Variants in NRF1 observed in about 807,000 individuals in gnomAD.
The protein encoded by NRF1 is alpha palindromic-binding protein.
Under a neutral mutation model 58.5 loss-of-function variants are expected in NRF1, and 5 were observed. The observed-to-expected ratio is 0.09, with a 90% CI of 0.04 to 0.18. The LOEUF (loss-of-function observed/expected upper bound fraction) is 0.18, where lower values mean the gene tolerates loss of function less well. Ranked by LOEUF, NRF1 falls within the 10% of genes least tolerant of loss-of-function variation. The pLI, the probability that NRF1 is intolerant of heterozygous loss-of-function variation, is 1.00. For missense variants in NRF1, 288 were observed against 657.7 expected, an observed-to-expected ratio of 0.44 and a Z score of 6.15; for synonymous variants, 224 against 246.7, an observed-to-expected ratio of 0.91 and a Z score of 0.86.
chr7:129,719,497 AACACACACACACACACACACACACACAC>A (rs67443980), intron 9 of NRF1, among the ~76,000 whole-genome samples: 10 of 141,896 alleles, frequency 7.0e-5, no homozygotes, highest in Non-Finnish European at 1.4e-4. Flanking sequence ...AGGAAACTGA[AACACACACACACACACACACACACACAC>A]ACACACACAC....
intron 10 of NRF1, among the ~76,000 whole-genome samples, chr7:129,745,940 A>AGT (rs1803966430): frequency 1.3e-5 from 2 of 152,238 alleles, no homozygotes; most frequent in African/African-American, 2.4e-5. Context: ...GGCAAAAGAT[A>AGT]GAGTGAGCCT....
Position 129,717,254 on chromosome 7 carries a change from G to C in NRF1, c.1101G>C (p.Glu367Asp), listed in dbSNP as rs778195422. ...EQNWATLQGG[E>D]MTIQTTQASE... ...ATTGGGCCACGTTACAGGGAGGTGAGATGACCATCCAGACGACGCAAGCAT... is the reference window on the plus strand; with the variant it reads ...ATTGGGCCACGTTACAGGGAGGTGACATGACCATCCAGACGACGCAAGCAT... Residue 367 changes from glutamate (E) to aspartate (D), a missense_variant, in exon 9 of 11, where the codon GAG becomes GAC. This residue lies in a region of NRF1 where 212 missense variants were observed against 559.7 expected (regional missense o/e 0.38). Coordinates refer to ENST00000393232, the MANE Select transcript of NRF1 (RefSeq NM_005011.5). 2 of 1,613,782 alleles carry C rather than the reference G, an allele frequency of 1.2e-6. No homozygotes were observed. The highest frequency in any genetic ancestry group is 1.7e-5 in the Admixed American group (1 of 59,978).
chr7:129,621,507 T>C (rs926277890), intron 1 of NRF1, among the ~76,000 whole-genome samples: 1 of 152,302 alleles, frequency 6.6e-6, no homozygotes, highest in Non-Finnish European at 1.5e-5. Flanking sequence ...CTTTCTTTCA[T>C]TAAACAATTA....
At chr7:129,716,761 C>T (rs1463245372) in intron 8 of NRF1, among the ~76,000 whole-genome samples, 2 of 151,768 alleles carry the variant, frequency 1.3e-5, no homozygotes, top group African/African-American at 4.8e-5. Flanking sequence ...GTCCCAACTA[C>T]TTGGGAGCCT....
At position 129,727,423 on chromosome 7, in the gene NRF1, G is replaced by A. The variant is rs1254175151; in HGVS notation, c.1348+58G>A. ...TCCCTGTTTCCACTTAAACCTTCCT[G>A]ACATGACTGGCAACAAAGCCTTCAG... On this transcript the variant is annotated intron_variant, in intron 10 of 10. Transcript: ENST00000393232. The A allele has an allele frequency of 2.0e-6, 3 of 1,519,474 alleles. No individual in the cohort carries two copies. In the East Asian group the frequency reaches 7.5e-5, roughly 38 times the overall value. 94.1% of individuals were successfully genotyped at this position (1,519,474 alleles called of 1,614,324 possible).
chr7:129,653,782 T>G (rs573571831), intron 1 of NRF1, among the ~76,000 whole-genome samples: 34 of 152,234 alleles, frequency 2.2e-4, no homozygotes, highest in Non-Finnish European at 4.7e-4. Flanking sequence ...CATTTAAGCT[T>G]CTTCTACATT....
chr7:129,657,082 G>T (rs1303255631), intron 1 of NRF1, among the ~76,000 whole-genome samples: 2 of 152,134 alleles, frequency 1.3e-5, no homozygotes, highest in Non-Finnish European at 2.9e-5. Context: ...ATTATTAAGG[G>T]TATCTGTTGT....
In NRF1 at chr7:129,611,770, C is replaced by A. The variant is rs986866391; in HGVS notation, c.-61C>A. 5 of 287,022 alleles carry A rather than the reference C, an allele frequency of 1.7e-5. No homozygotes were observed. The highest frequency in any genetic ancestry group is 1.1e-4 in the African/African-American group (5 of 45,708). The allele number at this position is 287,022 out of a possible 1,614,324, so 17.8% of individuals were successfully genotyped here. ...GCTGGTGGCAGGAGGCTGCGAGGAG[C>A]CGGCGCGGTCGCAGTCTCCACGGCG... On this transcript the variant is annotated 5_prime_UTR_variant, in exon 1 of 11. Coordinates refer to ENST00000393232, the MANE Select transcript of NRF1 (RefSeq NM_005011.5).
At chr7:129,735,638 T>C (rs1803689954) in intron 10 of NRF1, among the ~76,000 whole-genome samples, 1 of 152,218 alleles carries the variant, frequency 6.6e-6, no homozygotes, top group Non-Finnish European at 1.5e-5. Flanking sequence ...GGGTAGCGTG[T>C]CCCACGTTCT....
At chr7:129,630,054 A>C (rs1801014369) in intron 1 of NRF1, 1 of 152,256 alleles carries the variant, frequency 6.6e-6, no homozygotes, top group Non-Finnish European at 1.5e-5. Flanking sequence ...GGGTCGAACT[A>C]ATCATCCTAA....
chr7:129,639,217 G>A (rs553529368), intron 1 of NRF1, among the ~76,000 whole-genome samples: 2 of 151,010 alleles, frequency 1.3e-5, no homozygotes, highest in East Asian at 4.0e-4. Flanking sequence ...GCGCCACCAT[G>A]CCTGGCTAAT....
chr7:129,677,384 G>C lies in NRF1; in HGVS notation c.339-248G>C, dbSNP rs187050887. ...CTCAGATCAAGAAGAATGATACCAT[G>C]TTCAAAATTGTGTCATGGCTATGTC... On this transcript the variant is annotated intron_variant, in intron 3 of 10. Transcript: ENST00000393232. 5.1e-3 allele frequency among the ~76,000 whole-genome samples: 777 copies of C among 152,260 alleles called. 7 individuals carry two copies. Among genetic ancestry groups the C allele is most frequent in the Middle Eastern group, 0.017 (5 of 294 alleles).
intron 1 of NRF1, among the ~76,000 whole-genome samples, chr7:129,624,075 C>T (rs1183731516): frequency 1.3e-5 from 2 of 152,036 alleles, no homozygotes. Flanking sequence ...ATTTTCCATC[C>T]GAGAATACAG....
chr7:129,659,611 T>C (rs1372292553), intron 2 of NRF1, among the ~76,000 whole-genome samples: 3 of 152,238 alleles, frequency 2.0e-5, no homozygotes, highest in African/African-American at 7.2e-5. Flanking sequence ...TCTTTCCTCA[T>C]GTTGAAGGTA....
intron 4 of NRF1, among the ~76,000 whole-genome samples, chr7:129,678,811 A>G (rs550685698): frequency 1.3e-5 from 2 of 152,324 alleles, no homozygotes; most frequent in South Asian, 2.1e-4. Flanking sequence ...AGATTCATCT[A>G]GAAGACTCAG....
At chr7:129,712,452 C>T (rs1203432003) in intron 8 of NRF1, among the ~76,000 whole-genome samples, 2 of 152,178 alleles carry the variant, frequency 1.3e-5, no homozygotes, top group African/African-American at 4.8e-5. Context: ...CCCCTTAGAA[C>T]ACCACAAAGT....
chr7:129,730,293 G>C (rs776727932), intron 10 of NRF1, among the ~76,000 whole-genome samples: 1 of 151,942 alleles, frequency 6.6e-6, no homozygotes, highest in Admixed American at 6.6e-5. Flanking sequence ...CCAAAGTGCT[G>C]GGATTATAGG....
intron 9 of NRF1, among the ~76,000 whole-genome samples, chr7:129,722,746 C>T (rs1803357312): frequency 6.6e-6 from 1 of 152,204 alleles, no homozygotes; most frequent in South Asian, 2.1e-4. Context: ...GTTGCAGGTA[C>T]ACTTTCCTGT....
chr7:129,700,253 C>T (rs1276346651), intron 5 of NRF1, among the ~76,000 whole-genome samples: 2 of 152,126 alleles, frequency 1.3e-5, no homozygotes, highest in African/African-American at 2.4e-5. Flanking sequence ...GTGTATTTTG[C>T]CATTATTTTA....
Sources: gnomAD v4.1 joint callset for allele counts (sites outside exome capture counted in the v4.1 genomes callset) on GRCh38, gnomAD v4.1.1 for gene constraint, gnomAD v4.1.1 regional missense constraint, MANE v1.5 for transcripts, NCBI Gene and HGNC (gene_info 2026-07-23, HGNC 2026-07-21) for gene names.